PDE4DIP: variants seen among roughly 807,000 people sequenced by gnomAD.
The protein encoded by PDE4DIP is myomegalin.
A neutral mutation model predicts 221.4 loss-of-function variants in PDE4DIP; 59 were observed. That is an observed-to-expected ratio of 0.27 (90% confidence interval 0.22 to 0.33). The LOEUF (loss-of-function observed/expected upper bound fraction) is 0.33. PDE4DIP is among the 10% of genes least tolerant of loss of function. PDE4DIP has a pLI of 1.00. For missense variants in PDE4DIP, 1,036 were observed against 2,154.2 expected, an observed-to-expected ratio of 0.48 and a Z score of 10.28; for synonymous variants, 404 against 815.9, an observed-to-expected ratio of 0.50 and a Z score of 8.60.
chr1:149,025,558 T>G (rs1553626543), intron 38 of PDE4DIP: 1 of 151,704 alleles, frequency 6.6e-6, no homozygotes, highest in Non-Finnish European at 1.5e-5. Context: ...ATGTCAATGG[T>G]GTCCCCCTAG....
chr1:148,991,908 G>A (rs151273118), exon 22 of PDE4DIP: 15 of 722,174 alleles, frequency 2.1e-5, no homozygotes, highest in African/African-American at 1.0e-4. Context: ...GGATGACACC[G>A]AAGATACAAG....
rs146001390 is a variant in PDE4DIP at position 148,953,687 on chromosome 1, A to C, written c.637-6967A>C. ...GATTAAAGGTCTTGATTATAAGCCC[A>C]TCCAGAGCCCCCGAGGGAGCAGGCT... On this transcript the variant is annotated intron_variant, in intron 5 of 43. Coordinates refer to ENST00000369354, the Ensembl canonical transcript of PDE4DIP. 10,842 of 1,407,316 alleles carry C rather than the reference A, an allele frequency of 7.7e-3. 21 individuals carry two copies. Among genetic ancestry groups the C allele is most frequent in the Non-Finnish European group, 8.6e-3 (8,583 of 997,026 alleles). The allele number at this position is 1,407,316 out of a possible 1,614,324, so 87.2% of individuals were successfully genotyped here.
intron 5 of PDE4DIP, chr1:148,952,066 G>C (rs1558938316): frequency 3.9e-5 from 39 of 990,472 alleles, no homozygotes; most frequent in Non-Finnish European, 4.5e-5. Flanking sequence ...AATGCAGGGA[G>C]GGGATTCGTC....
Position 148,979,722 on chromosome 1 carries a change from C to G in PDE4DIP, c.2575-15C>G. On this transcript the variant is annotated splice_polypyrimidine_tract_variant and intron_variant, in intron 19 of 43. Coordinates refer to ENST00000369354, the Ensembl canonical transcript of PDE4DIP. ...GTGCCATTTGCGTATTGCTTCCTCT[C>G]TCTTCTTTACTCAGTTGCTGCTGAT... 3 of 1,610,490 alleles carry G rather than the reference C, an allele frequency of 1.9e-6. No individual in the cohort carries two copies. The highest frequency in any genetic ancestry group is 2.5e-6 in the Non-Finnish European group (3 of 1,177,490).
intron 2 of PDE4DIP, chr1:148,930,390 GCCTGTAGTC>G (rs2047648929): frequency 6.6e-6 from 1 of 151,318 alleles, no homozygotes; most frequent in Non-Finnish European, 1.5e-5. Flanking sequence ...GGTGGCAGTC[GCCTGTAGTC>G]CCAGCTACTT....
At chr1:148,820,650 T>C (rs1668877163) in intron 1 of PDE4DIP, among the ~76,000 whole-genome samples, 1 of 149,290 alleles carries the variant, frequency 6.7e-6, no homozygotes, top group Non-Finnish European at 1.5e-5. Context: ...TTGTTTTGTT[T>C]TGGGTTTTTG....
At chr1:148,964,114 T>C (rs2057670118) in intron 9 of PDE4DIP, among the ~76,000 whole-genome samples, 1 of 142,554 alleles carries the variant, frequency 7.0e-6, no homozygotes, top group Non-Finnish European at 1.5e-5. Flanking sequence ...TTTCTTTCAT[T>C]TTTTTTTTTT....
intron 1 of PDE4DIP, among the ~76,000 whole-genome samples, chr1:148,912,402 CA>C (rs1431658772): frequency 1.5e-5 from 2 of 133,744 alleles, no homozygotes; most frequent in African/African-American, 6.2e-5. Flanking sequence ...CACTGTATAA[CA>C]AACACCACAC....
Position 149,028,745 on chromosome 1 carries a change from C to A in PDE4DIP, c.6813+42C>A. The stretch of plus-strand genomic sequence containing the variant: ...CTTTCTTGGTTCAAACCCAGTTCTC[C>A]TGCCCTCCAATACTGTTCTGTCTCC... On this transcript the variant is annotated intron_variant, in intron 41 of 43. Transcript: ENST00000369354. The A allele has an allele frequency of 3.3e-6, 4 of 1,207,444 alleles. No homozygotes were observed. The South Asian group carries it at 5.2e-5, about 16-fold the overall frequency. 74.8% of individuals were successfully genotyped at this position (1,207,444 alleles called of 1,614,324 possible).
intron 5 of PDE4DIP, among the ~76,000 whole-genome samples, chr1:148,941,300 C>A (rs1331877100): frequency 2.5e-4 from 14 of 55,352 alleles, no homozygotes; most frequent in Non-Finnish European, 3.3e-5. Context: ...ACTGGATACA[C>A]CAGGCAGAAA....
chr1:148,979,337 A>G (rs2060720376), intron 19 of PDE4DIP, among the ~76,000 whole-genome samples: 1 of 152,216 alleles, frequency 6.6e-6, no homozygotes, highest in Non-Finnish European at 1.5e-5. Context: ...ACTAGATAGT[A>G]AGCTTTCCCC....
chr1:149,021,479 C>T (rs2488970), intron 37 of PDE4DIP: 14 of 196,830 alleles, frequency 7.1e-5, no homozygotes, highest in African/African-American at 2.6e-4. Context: ...TTAATATTGT[C>T]GGTGATACAT....
At chr1:149,005,537 G>T (rs879960757) in intron 27 of PDE4DIP, 100 bp downstream of exon 30, 12 of 984,566 alleles carry the variant, frequency 1.2e-5, no homozygotes, top group Non-Finnish European at 1.8e-5. Context: ...ACATGTCTGG[G>T]TATTCACAGG....
intron 43 of PDE4DIP, 33 bp from the exon 47 acceptor site, chr1:149,031,911 C>T (rs2076849098): frequency 1.4e-5 from 23 of 1,589,416 alleles, no homozygotes; most frequent in Non-Finnish European, 1.9e-5. Flanking sequence ...TGGCAATATA[C>T]ACTGATTTGG....
At chr1:148,998,297 A>G in exon 23 of PDE4DIP, 1 of 1,613,414 alleles carries the variant, frequency 6.2e-7, no homozygotes, top group Non-Finnish European at 8.5e-7. Flanking sequence ...TTAGAAGAGA[A>G]GAGGAAAGCT....
chr1:148,857,076 C>T (rs1616168), intron 1 of PDE4DIP, among the ~76,000 whole-genome samples: 2 of 76,300 alleles, frequency 2.6e-5, no homozygotes, highest in Non-Finnish European at 4.8e-5. Flanking sequence ...TCATGCCACA[C>T]GCCCCTCACT....
intron 4 of PDE4DIP, among the ~76,000 whole-genome samples, chr1:148,934,140 T>C (rs2150692202): frequency 6.6e-6 from 1 of 150,566 alleles, no homozygotes; most frequent in East Asian, 1.9e-4. Flanking sequence ...TCCCTTCTAG[T>C]GAACCTCACT....
intron 21 of PDE4DIP, chr1:148,985,057 AGTTT>A (rs1553547951): frequency 4.6e-5 from 7 of 152,226 alleles, no homozygotes; most frequent in African/African-American, 1.7e-4. Flanking sequence ...ACTTGAAGTG[AGTTT>A]TCCATTTTAC....
Position 149,022,935 on chromosome 1 carries a change from TATAG to T in PDE4DIP, c.6086-1503_6086-1500del, listed in dbSNP as rs1374870662. ...AGGTGCTATTGGGAAGATGAAAGGG[TATAG>T]ATAGATTTTAAAACATCTCTTAAAA... is the stretch of plus-strand genomic sequence containing the variant. On this transcript the variant is annotated intron_variant, in intron 37 of 43. Coordinates refer to ENST00000369354, the Ensembl canonical transcript of PDE4DIP. Among the ~76,000 whole-genome samples the T allele has an allele frequency of 3.3e-5, 5 of 152,270 alleles. No individual in the cohort carries two copies. The East Asian group carries it at 7.7e-4, about 23-fold the overall frequency.
Sources: allele counts gnomAD v4.1 joint callset (sites outside exome capture counted in the v4.1 genomes callset), GRCh38; gene constraint gnomAD v4.1.1; transcripts MANE v1.5; gene names NCBI Gene and HGNC (gene_info 2026-07-23, HGNC 2026-07-21).